DOCK4: variants seen among roughly 807,000 people sequenced by gnomAD.
DOCK4 encodes the protein dedicator of cytokinesis protein 4.
In DOCK4, 97 loss-of-function variants were observed where a neutral mutation model predicts 268.1. That is an observed-to-expected ratio of 0.36 (90% confidence interval 0.31 to 0.43). The LOEUF is 0.43. Among genes scored for constraint, DOCK4 ranks in the 20% least tolerant of loss-of-function variants. DOCK4 has a pLI of 1.00. For synonymous variants in DOCK4, 954 were observed against 887.2 expected, an observed-to-expected ratio of 1.08 and a Z score of -1.34; for missense variants, 2,145 against 2,455.7, an observed-to-expected ratio of 0.87 and a Z score of 2.67.
At chr7:111,884,324 T>C (rs562609798) in intron 16 of DOCK4, among the ~76,000 whole-genome samples, 1 of 152,308 alleles carries the variant, frequency 6.6e-6, no homozygotes, top group African/African-American at 2.4e-5. Context: ...AGGCAAGATA[T>C]TGTAACGTAA....
intron 36 of DOCK4, among the ~76,000 whole-genome samples, chr7:111,774,293 C>T (rs1164806269): frequency 3.9e-5 from 6 of 151,918 alleles, no homozygotes; most frequent in Non-Finnish European, 8.8e-5. Context: ...GGTGAAACCC[C>T]GTCTCTACTA....
Position 111,739,179 on chromosome 7 carries a change from C to T in DOCK4, c.5187G>A (p.Glu1729=). 4 of 1,614,016 alleles carry T rather than the reference C, an allele frequency of 2.5e-6. No homozygotes were observed. Among genetic ancestry groups the T allele is most frequent in the Non-Finnish European group, 3.4e-6 (4 of 1,179,892 alleles). Residue 1729 remains glutamate, a synonymous_variant, in exon 49 of 53, where the codon GAG becomes GAA. Transcript: ENST00000428084. The part of the protein sequence containing the change: ...SRENSCLSPR[E]RPCSAIYPTP... ...TTGGATAGATGGCACTGCATGGTCT[C>T]TCTCTTGGTGACAGGCAAGAGTTTT...
intron 18 of DOCK4, 57 bp from the exon 19 acceptor site, chr7:111,872,409 C>T (rs1463449326): frequency 1.7e-5 from 26 of 1,529,320 alleles, no homozygotes; most frequent in Non-Finnish European, 1.8e-6. Context: ...CTTTTTCCTC[C>T]AAATGTTCTT....
At chr7:111,840,792 C>T (rs1803622638) in intron 25 of DOCK4, 5 of 1,319,062 alleles carry the variant, frequency 3.8e-6, no homozygotes, top group African/African-American at 1.5e-5. Context: ...GGCACTTTTC[C>T]ATATGTGTCT....
intron 24 of DOCK4, among the ~76,000 whole-genome samples, chr7:111,846,252 A>G (rs1394022115): frequency 6.6e-6 from 1 of 152,122 alleles, no homozygotes; most frequent in Non-Finnish European, 1.5e-5. Flanking sequence ...TCATTGCCAA[A>G]CTCCGCTCCA....
chr7:111,872,722 G>A (rs1375883050), intron 17 of DOCK4, among the ~76,000 whole-genome samples, 158 bp from the exon 18 acceptor site: 1 of 152,108 alleles, frequency 6.6e-6, no homozygotes, highest in Non-Finnish European at 1.5e-5. Flanking sequence ...GCCCTCTCTA[G>A]GATGGCATTT....
chr7:112,156,512 C>A (rs1394343629), intron 1 of DOCK4, among the ~76,000 whole-genome samples: 1 of 152,148 alleles, frequency 6.6e-6, no homozygotes, highest in Non-Finnish European at 1.5e-5. Context: ...GTTCTCTTAT[C>A]TTACCAAGCA....
chr7:112,002,908 G>A (rs1462554484), intron 2 of DOCK4, among the ~76,000 whole-genome samples: 2 of 152,004 alleles, frequency 1.3e-5, no homozygotes, highest in Admixed American at 6.6e-5. Flanking sequence ...AAAATTAGCT[G>A]AGTGTGGTGG....
intron 27 of DOCK4, among the ~76,000 whole-genome samples, chr7:111,815,261 T>G (rs1231008028): frequency 6.6e-6 from 1 of 152,194 alleles, no homozygotes. Flanking sequence ...ATGCTTTTCT[T>G]TCATACCTAT....
intron 1 of DOCK4, among the ~76,000 whole-genome samples, chr7:112,168,931 C>T (rs1470371133): frequency 6.6e-6 from 1 of 152,110 alleles, no homozygotes; most frequent in Non-Finnish European, 1.5e-5. Context: ...CCTGGGTGGT[C>T]CTTTTAGAAA....
intron 8 of DOCK4, among the ~76,000 whole-genome samples, chr7:111,959,290 G>A (rs555527105): frequency 1.3e-5 from 2 of 152,138 alleles, no homozygotes; most frequent in African/African-American, 4.8e-5. Context: ...CTCAAACAAA[G>A]TTGTACTCCC....
chr7:111,982,934 T>C (rs900300053), intron 7 of DOCK4, among the ~76,000 whole-genome samples: 3 of 152,248 alleles, frequency 2.0e-5, no homozygotes, highest in Admixed American at 6.5e-5. Flanking sequence ...ATATTTGTTA[T>C]GTAAGCTAAG....
chr7:112,170,192 G>A (rs372047806), intron 1 of DOCK4, among the ~76,000 whole-genome samples: 23 of 152,170 alleles, frequency 1.5e-4, no homozygotes, highest in African/African-American at 5.1e-4. Context: ...AGTGACCACC[G>A]GTAATCCCAG....
At chr7:111,842,561 G>A (rs774361016) in intron 25 of DOCK4, among the ~76,000 whole-genome samples, 3 of 152,180 alleles carry the variant, frequency 2.0e-5, no homozygotes, top group Admixed American at 6.5e-5. Context: ...CTCCTAGAGT[G>A]GAGCCAGAGA....
At chr7:112,095,803 C>T (rs1364953095) in intron 1 of DOCK4, among the ~76,000 whole-genome samples, 10 of 151,688 alleles carry the variant, frequency 6.6e-5, no homozygotes, top group Admixed American at 2.6e-4. Context: ...TCTTTTAGGC[C>T]AGGTGTGGTG....
At position 111,990,312 on chromosome 7, in the gene DOCK4, T is replaced by C. The variant is rs549514326; in HGVS notation, c.316-1149A>G. Among the ~76,000 whole-genome samples the C allele has an allele frequency of 4.5e-4, 69 of 152,320 alleles. 1 individual carries two copies. The highest frequency in any genetic ancestry group is 1.6e-3 in the African/African-American group (66 of 41,560). ...CCCAGAGACAATAGAGTAAATCTTA[T>C]CTAAGTCTTTACCCTTTGTCTTTCT... On this transcript the variant is annotated intron_variant, in intron 5 of 52. Transcript: ENST00000428084.
rs182349197 is a variant in DOCK4 at position 111,782,035 on chromosome 7, T to C, written c.3585+829A>G. Among the ~76,000 whole-genome samples, 43 of 152,318 alleles carry C rather than the reference T, an allele frequency of 2.8e-4. 1 individual carries two copies. Among genetic ancestry groups the C allele is most frequent in the African/African-American group, 9.1e-4 (38 of 41,590 alleles). ...AAAGAAACCATGAGATTCACAAATATAGAACTAGACTTTTCTTGTATTTTA... is the reference window on the plus strand; with the variant it reads ...AAAGAAACCATGAGATTCACAAATACAGAACTAGACTTTTCTTGTATTTTA... On this transcript the variant is annotated intron_variant, in intron 35 of 52. Transcript: ENST00000428084.
At chr7:111,794,296 T>C (rs916656051) in intron 30 of DOCK4, among the ~76,000 whole-genome samples, 3 of 152,184 alleles carry the variant, frequency 2.0e-5, no homozygotes, top group African/African-American at 7.2e-5. Flanking sequence ...CTTCTAACAC[T>C]GAATACTCTA....
At chr7:112,083,591 C>T (rs1808790682) in intron 1 of DOCK4, among the ~76,000 whole-genome samples, 1 of 151,996 alleles carries the variant, frequency 6.6e-6, no homozygotes, top group South Asian at 2.1e-4. Flanking sequence ...GGCCACCAAA[C>T]ATCCAAAATA....
Sources: gnomAD v4.1 joint callset for allele counts (sites outside exome capture counted in the v4.1 genomes callset) on GRCh38, gnomAD v4.1.1 for gene constraint, MANE v1.5 for transcripts, NCBI Gene and HGNC (gene_info 2026-07-23, HGNC 2026-07-21) for gene names.